C5AR2: variants seen among roughly 807,000 people sequenced by gnomAD.
C5AR2 encodes C5a anaphylatoxin chemotactic receptor 2.
For synonymous variants in C5AR2, 224 were observed against 216.5 expected, an observed-to-expected ratio of 1.03 and a Z score of -0.30; for missense variants, 458 against 467.5, an observed-to-expected ratio of 0.98 and a Z score of 0.19.
chr19:47,336,421 TTTCTTTCTTTCTTTCCTTCC>T lies in C5AR2; in HGVS notation c.-16+4076_-16+4095del, dbSNP rs1351276429. Among the ~76,000 whole-genome samples, 169 of 124,260 alleles carry T rather than the reference TTTCTTTCTTTCTTTCCTTCC, an allele frequency of 1.4e-3. 17 individuals carry two copies. Among genetic ancestry groups the T allele is most frequent in the Middle Eastern group, 4.0e-3 (1 of 248 alleles). The allele number at this position is 124,260 out of a possible 152,430, so 81.5% of individuals were successfully genotyped here. A position where few individuals can be genotyped will look rare whatever the true frequency, so the allele number is the denominator to read the frequency against. On this transcript the variant is annotated intron_variant, in intron 1 of 1. Transcript: ENST00000595464. ...GGTTCAGTTTTTAAATGCTGTACTC[TTTCTTTCTTTCTTTCCTTCC>T]TTCCTTCCTTCCTTCCTTCCTTCCT...
chr19:47,338,892 G>A (rs1327981472), intron 1 of C5AR2, among the ~76,000 whole-genome samples: 1 of 151,788 alleles, frequency 6.6e-6, no homozygotes, highest in Non-Finnish European at 1.5e-5. Flanking sequence ...GGTGGCTCAC[G>A]CCTGTAATCC....
chr19:47,336,550 C>G (rs957596908), intron 1 of C5AR2, among the ~76,000 whole-genome samples: 8 of 151,484 alleles, frequency 5.3e-5, no homozygotes, highest in African/African-American at 1.9e-4. Flanking sequence ...CTCTGTTGCT[C>G]AGGCTGGAGT....
chr19:47,332,372 C>T (rs1473528774), intron 1 of C5AR2, 23 bp downstream of exon 1: 2 of 151,860 alleles, frequency 1.3e-5, no homozygotes, highest in African/African-American at 2.4e-5. Flanking sequence ...GCTACAAGGG[C>T]GGGAAGGAGG....
rs950200112 is a variant in C5AR2 at position 47,336,598 on chromosome 19, C to T, written c.-15-4187C>T. Among the ~76,000 whole-genome samples the T allele has an allele frequency of 2.6e-5, 4 of 151,918 alleles. No individual in the cohort carries two copies. The Admixed American group carries it at 2.6e-4, about 10-fold the overall frequency. On this transcript the variant is annotated intron_variant, in intron 1 of 1. Coordinates refer to ENST00000595464, the MANE Select transcript of C5AR2 (RefSeq NM_001271749.2). ...TCATGGCTAACTGCAGCCTCAAACT[C>T]CTGGGCTCATGTGATCTTCCACCCC...
intron 1 of C5AR2, among the ~76,000 whole-genome samples, chr19:47,336,037 C>G (rs986758766): frequency 5.3e-5 from 8 of 151,942 alleles, no homozygotes; most frequent in African/African-American, 1.9e-4. Context: ...GTTTAGGTGA[C>G]TTGCCCAAGG....
At chr19:47,335,917 C>T (rs896120722) in intron 1 of C5AR2, among the ~76,000 whole-genome samples, 1 of 151,032 alleles carries the variant, frequency 6.6e-6, no homozygotes, top group African/African-American at 2.4e-5. Context: ...GTATGACACC[C>T]ACTGAAAACC....
At position 47,341,614 on chromosome 19, in the gene C5AR2, C is replaced by T. The variant is rs1969035630; in HGVS notation, c.815C>T (p.Ala272Val). The change falls in exon 2 of 2, where the codon GCT becomes GTT. Residue 272 changes from alanine to valine, a missense_variant. Transcript: ENST00000595464. This position sits in a 1 kb window ranked among gnomAD's most constrained non-coding sequence, Gnocchi z 4.6. Reference sequence around the variant, plus strand: ...GCACTCCTGGCCAGGGCCCTGCGGGCTGAACCCCTCATCGTGGGCCTTGCC... The same window carrying T: ...GCACTCCTGGCCAGGGCCCTGCGGGTTGAACCCCTCATCGTGGGCCTTGCC... ...NSALLARALRAEPLIVGLALA... is the reference protein window; with the variant it reads ...NSALLARALRVEPLIVGLALA... 6.2e-7 allele frequency: 1 copy of T among 1,613,948 alleles called. No individual in the cohort carries two copies. The highest frequency in any genetic ancestry group is 8.5e-7 in the Non-Finnish European group (1 of 1,179,978).
In C5AR2 at chr19:47,347,265, T is replaced by G. The variant is rs1189890197; in HGVS notation, c.*5452T>G. On this transcript the variant is annotated 3_prime_UTR_variant, in exon 2 of 2. Coordinates refer to ENST00000595464, the MANE Select transcript of C5AR2 (RefSeq NM_001271749.2). ...ATAGACTGTGGCTTTCTTGTTGATTTCCATTTGTTGTTCATTTCCTCCAAT... is the reference window on the plus strand; with the variant it reads ...ATAGACTGTGGCTTTCTTGTTGATTGCCATTTGTTGTTCATTTCCTCCAAT... The G allele has an allele frequency of 1.3e-5, 2 of 152,152 alleles. No homozygotes were observed. Among genetic ancestry groups the G allele is most frequent in the Non-Finnish European group, 2.9e-5 (2 of 68,036 alleles). The allele number at this position is 152,152 out of a possible 1,614,324, so 9.4% of individuals were successfully genotyped here.
intron 1 of C5AR2, among the ~76,000 whole-genome samples, chr19:47,334,373 T>C (rs779485756): frequency 6.6e-6 from 1 of 151,598 alleles, no homozygotes; most frequent in Non-Finnish European, 1.5e-5. Context: ...CTCACGCCTG[T>C]AATGGCAGCA....
At chr19:47,338,090 T>A (rs1490638395) in intron 1 of C5AR2, among the ~76,000 whole-genome samples, 2 of 150,026 alleles carry the variant, frequency 1.3e-5, no homozygotes, top group African/African-American at 4.9e-5. Flanking sequence ...AAAAAATAAA[T>A]AAAATAAAAT....
Position 47,341,448 on chromosome 19 carries a change from G to T in C5AR2, c.649G>T (p.Ala217Ser), listed in dbSNP as rs1371857299. 1.2e-6 allele frequency: 2 copies of T among 1,611,582 alleles called. No individual in the cohort carries two copies. Among genetic ancestry groups the T allele is most frequent in the Admixed American group, 3.3e-5 (2 of 59,996 alleles). ...FGFLGPLVAV[A>S]SCHSALLCWA... ...CTTCCTGGGGCCCCTGGTGGCCGTG[G>T]CCAGCTGCCACAGTGCCCTCCTGTG... The change falls in exon 2 of 2, where the codon GCC becomes TCC. Residue 217 changes from alanine to serine, a missense_variant. Physicochemically the swap from Ala to Ser is moderately conservative, Grantham distance 99 (BLOSUM62 1). Coordinates refer to ENST00000595464, the MANE Select transcript of C5AR2 (RefSeq NM_001271749.2). The surrounding 1 kb of genome is among the most constrained non-coding windows in gnomAD (Gnocchi z 4.6).
At chr19:47,335,342 C>T (rs899748397) in intron 1 of C5AR2, among the ~76,000 whole-genome samples, 12 of 151,792 alleles carry the variant, frequency 7.9e-5, no homozygotes, top group African/African-American at 2.4e-4. Flanking sequence ...ATATCGGGCA[C>T]GTTAAGTGGA....
chr19:47,333,584 C>CTTT (rs34383862), intron 1 of C5AR2, among the ~76,000 whole-genome samples: 9 of 124,454 alleles, frequency 7.2e-5, no homozygotes, highest in African/African-American at 9.6e-5. Flanking sequence ...GTTCAGACTC[C>CTTT]TTTTTTTTTT....
chr19:47,340,080 C>T lies in C5AR2; in HGVS notation c.-15-705C>T, dbSNP rs937209731. On this transcript the variant is annotated intron_variant, in intron 1 of 1. Transcript: ENST00000595464. ...AATGATTCTCCCACTTCAGCCTTTT[C>T]GGCAGCTAGGATCACAGGCACGCAT... 5.3e-5 allele frequency among the ~76,000 whole-genome samples: 8 copies of T among 151,652 alleles called. No individual in the cohort carries two copies. The South Asian group carries it at 8.3e-4, about 16-fold the overall frequency.
chr19:47,333,513 A>T (rs926879626), intron 1 of C5AR2, among the ~76,000 whole-genome samples: 1 of 150,350 alleles, frequency 6.7e-6, no homozygotes, highest in African/African-American at 2.5e-5. Context: ...TGCGGAAAGG[A>T]GGCTGATTGC....
At chr19:47,340,646 T>A in intron 1 of C5AR2, 139 bp from the exon 2 acceptor site, 1 of 769,334 alleles carries the variant, frequency 1.3e-6, no homozygotes, top group Non-Finnish European at 2.2e-6. Flanking sequence ...AGAATTCCAA[T>A]ATTCTAAAGC....
At position 47,341,992 on chromosome 19, in the gene C5AR2, C is replaced by T. The variant is rs1969047286; in HGVS notation, c.*179C>T. The T allele has an allele frequency of 1.6e-6, 1 of 619,212 alleles. No individual in the cohort carries two copies. The highest frequency in any genetic ancestry group is 2.9e-6 in the Non-Finnish European group (1 of 347,518). 38.4% of individuals were successfully genotyped at this position (619,212 alleles called of 1,614,324 possible). A position where few individuals can be genotyped will look rare whatever the true frequency, so the allele number is the denominator to read the frequency against. ...TTAGGCACTAGAGATATAGCAGTGA[C>T]CAAAACAGACACAAATCCTGCCCTC... is the stretch of plus-strand genomic sequence containing the variant. On this transcript the variant is annotated 3_prime_UTR_variant, in exon 2 of 2. Transcript: ENST00000595464. This position sits in a 1 kb window ranked among gnomAD's most constrained non-coding sequence, Gnocchi z 4.6.
At chr19:47,340,715 G>T in intron 1 of C5AR2, 70 bp from the exon 2 acceptor site, 1 of 1,443,348 alleles carries the variant, frequency 6.9e-7, no homozygotes. Context: ...CCGGGCTGAT[G>T]GACACCCTAG....
chr19:47,337,897 C>T (rs969473538), intron 1 of C5AR2, among the ~76,000 whole-genome samples: 1 of 151,380 alleles, frequency 6.6e-6, no homozygotes, highest in Admixed American at 6.6e-5. Context: ...ATGGTGAAAC[C>T]CCGTCTCTAC....
Sources: allele counts gnomAD v4.1 joint callset (sites outside exome capture counted in the v4.1 genomes callset), GRCh38; gene constraint gnomAD v4.1.1; non-coding constraint Gnocchi (gnomAD v3.1); transcripts MANE v1.5; gene names NCBI Gene and HGNC (gene_info 2026-07-23, HGNC 2026-07-21).